ACOXL: variants seen among roughly 807,000 people sequenced by gnomAD.
ACOXL encodes the protein acyl-CoA oxidase like.
Under a neutral mutation model 71.9 loss-of-function variants are expected in ACOXL, and 70 were observed. The ratio of observed to expected loss-of-function variants is 0.97; its 90% confidence interval spans 0.80 to 1.19. The LOEUF (loss-of-function observed/expected upper bound fraction) is 1.19. Among genes scored for constraint, ACOXL ranks in the 50% most tolerant of loss-of-function variants. The probability of loss-of-function intolerance (pLI) is 0.00; values close to 1 mark genes in which losing one functional copy is unlikely to be tolerated. For missense variants in ACOXL, 703 were observed against 736.3 expected (o/e 0.95, Z 0.52); for synonymous variants, 253 against 281.6 (o/e 0.90, Z 1.02).
intron 16 of ACOXL, among the ~76,000 whole-genome samples, chr2:111,090,235 C>T (rs1243436750): frequency 1.3e-5 from 2 of 152,154 alleles, no homozygotes; most frequent in Admixed American, 6.5e-5. Context: ...CCCTTCCTCA[C>T]AGTTAATCCA....
intron 13 of ACOXL, 121 bp from the exon 14 acceptor site, chr2:110,995,771 CT>C (rs1295536947): frequency 4.5e-6 from 3 of 666,416 alleles, no homozygotes; most frequent in Admixed American, 2.4e-5. Flanking sequence ...GAGATTATGT[CT>C]ATTGACACTA....
chr2:110,787,278 T>C (rs1291188130), intron 3 of ACOXL, among the ~76,000 whole-genome samples: 1 of 152,200 alleles, frequency 6.6e-6, no homozygotes, highest in Non-Finnish European at 1.5e-5. Flanking sequence ...CTCACGCTTG[T>C]AATCCCAGCA....
intron 12 of ACOXL, among the ~76,000 whole-genome samples, chr2:110,955,431 T>TCC (rs2061462972): frequency 2.9e-5 from 1 of 34,346 alleles, no homozygotes; most frequent in Non-Finnish European, 7.3e-5. Context: ...TCCACCTCCC[T>TCC]CTCTCTCTCT....
chr2:110,777,996 AT>A (rs1461120644), intron 2 of ACOXL, among the ~76,000 whole-genome samples: 1 of 152,238 alleles, frequency 6.6e-6, no homozygotes, highest in Non-Finnish European at 1.5e-5. Context: ...GGAAGCTCGC[AT>A]TGGGACCAGC....
At chr2:110,795,573 A>G (rs941005025) in intron 5 of ACOXL, 1 of 152,242 alleles carries the variant, frequency 6.6e-6, no homozygotes, top group Non-Finnish European at 1.5e-5. Flanking sequence ...ACGAAAATGT[A>G]TTATTGTCCC....
chr2:111,017,109 C>A, intron 14 of ACOXL, among the ~76,000 whole-genome samples: 1 of 152,226 alleles, frequency 6.6e-6, no homozygotes. Flanking sequence ...GCGTAAGTGA[C>A]AACACCGCAC....
intron 16 of ACOXL, among the ~76,000 whole-genome samples, chr2:111,068,317 G>C (rs542570668): frequency 1.3e-5 from 2 of 152,320 alleles, no homozygotes; most frequent in South Asian, 2.1e-4. Context: ...GGCGTGACCT[G>C]GGGGTATGGT....
intron 17 of ACOXL, chr2:111,100,446 T>A (rs1315699839): frequency 6.6e-6 from 1 of 152,566 alleles, no homozygotes; most frequent in Non-Finnish European, 1.5e-5. Context: ...AAAAACTCGT[T>A]CACTAAGAGA....
Position 110,793,685 on chromosome 2 carries a change from C to G in ACOXL, c.195C>G (p.Ile65Met), listed in dbSNP as rs1268896983. ...GIIYWLFGGA[I>M]RNLGSPEHVT... ...TTTATTGGCTATTTGGTGGTGCTATCAGGAATCTCGGAAGCCCTGAACATG... is the reference window on the plus strand; with the variant it reads ...TTTATTGGCTATTTGGTGGTGCTATGAGGAATCTCGGAAGCCCTGAACATG... Residue 65 changes from isoleucine (I) to methionine (M), a missense_variant, in exon 4 of 18, where the codon ATC (isoleucine) becomes ATG (methionine). Ile to Met is a conservative substitution (Grantham distance 10). Coordinates refer to ENST00000439055, the MANE Select transcript of ACOXL (RefSeq NM_001142807.4). The G allele has an allele frequency of 4.3e-6, 7 of 1,613,970 alleles. 1 individual carries two copies. In the South Asian group the frequency reaches 6.6e-5, roughly 15 times the overall value.
chr2:110,793,614 G>C (rs937768651), intron 3 of ACOXL, 36 bp from the exon 4 acceptor site: 1 of 1,575,390 alleles, frequency 6.3e-7, no homozygotes. Context: ...ATTGCTGACT[G>C]TTGCTAATGA....
intron 3 of ACOXL, among the ~76,000 whole-genome samples, chr2:110,786,729 G>T (rs1350404576): frequency 6.6e-6 from 1 of 152,144 alleles, no homozygotes; most frequent in Admixed American, 6.5e-5. Context: ...AGTTTCACAG[G>T]GATCGTCTGA....
intron 15 of ACOXL, among the ~76,000 whole-genome samples, chr2:111,033,104 T>G (rs1316224726): frequency 1.3e-5 from 2 of 152,304 alleles, no homozygotes; most frequent in East Asian, 3.9e-4. Flanking sequence ...CTCCACCCAG[T>G]GACCACACTC....
chr2:110,886,852 C>T, intron 10 of ACOXL: 1 of 1,550,898 alleles, frequency 6.4e-7, no homozygotes, highest in Non-Finnish European at 8.7e-7. Context: ...GTGGACCAGG[C>T]TAATTTCCTG....
chr2:110,779,592 A>G (rs1683079058), intron 2 of ACOXL, among the ~76,000 whole-genome samples: 1 of 152,244 alleles, frequency 6.6e-6, no homozygotes, highest in Admixed American at 6.5e-5. Context: ...AAGCTGCTCA[A>G]GGTCATGGGG....
At chr2:110,895,163 A>G (rs1481687823) in intron 10 of ACOXL, among the ~76,000 whole-genome samples, 2 of 152,246 alleles carry the variant, frequency 1.3e-5, no homozygotes, top group Non-Finnish European at 1.5e-5. Flanking sequence ...AATGACAAAC[A>G]TGCTGAAACA....
At chr2:111,030,477 C>T (rs1307610313) in intron 14 of ACOXL, among the ~76,000 whole-genome samples, 1 of 152,202 alleles carries the variant, frequency 6.6e-6, no homozygotes, top group Non-Finnish European at 1.5e-5. Context: ...CCAAACTGTG[C>T]CTGCGGCCCC....
At chr2:111,011,116 CAT>C (rs1238923991) in intron 14 of ACOXL, among the ~76,000 whole-genome samples, 1 of 151,908 alleles carries the variant, frequency 6.6e-6, no homozygotes, top group Non-Finnish European at 1.5e-5. Context: ...GGGTTTATGG[CAT>C]ATATAAAAGT....
intron 9 of ACOXL, among the ~76,000 whole-genome samples, chr2:110,814,052 A>T (rs1207810455): frequency 6.6e-6 from 1 of 152,202 alleles, no homozygotes; most frequent in Non-Finnish European, 1.5e-5. Context: ...AACTCTGCTC[A>T]CTGGCGTTCC....
At chr2:110,813,987 C>T (rs779025708) in intron 9 of ACOXL, among the ~76,000 whole-genome samples, 12 of 152,160 alleles carry the variant, frequency 7.9e-5, no homozygotes, top group African/African-American at 1.4e-4. Context: ...GGGGTCCGGC[C>T]GTTACCCAAT....
Sources: gnomAD v4.1 joint callset for allele counts (sites outside exome capture counted in the v4.1 genomes callset) on GRCh38, gnomAD v4.1.1 for gene constraint, MANE v1.5 for transcripts, NCBI Gene and HGNC (gene_info 2026-07-23, HGNC 2026-07-21) for gene names.